PDE9A: variants seen among roughly 807,000 people sequenced by gnomAD.
The protein encoded by PDE9A is phosphodiesterase 9A.
Under a neutral mutation model 87.4 loss-of-function variants are expected in PDE9A, and 60 were observed. The observed-to-expected ratio is 0.69, with a 90% CI of 0.56 to 0.85. PDE9A has a LOEUF of 0.85. Among genes scored for constraint, PDE9A ranks in the 40% least tolerant of loss-of-function variants. The pLI is 0.00. For missense variants in PDE9A, 665 were observed against 779.0 expected, an observed-to-expected ratio of 0.85 and a Z score of 1.74; for synonymous variants, 272 against 279.4, an observed-to-expected ratio of 0.97 and a Z score of 0.27.
At position 42,723,340 on chromosome 21, in the gene PDE9A, G is replaced by A. The variant is rs1461305415; in HGVS notation, c.263-8430G>A. 2.6e-5 allele frequency among the ~76,000 whole-genome samples: 4 copies of A among 152,168 alleles called. No homozygotes were observed. Among genetic ancestry groups the A allele is most frequent in the South Asian group, 2.1e-4 (1 of 4,836 alleles). ...ACATGCAAACAATTCTGCCAGCCCC[G>A]GCCAGCATTCCCTGCATGTGCTTAT... is the stretch of plus-strand genomic sequence containing the variant. On this transcript the variant is annotated intron_variant, in intron 4 of 19. Coordinates refer to ENST00000291539, the MANE Select transcript of PDE9A (RefSeq NM_002606.3). The surrounding 1 kb of genome is among the most constrained non-coding windows in gnomAD (Gnocchi z 4.3).
chr21:42,770,995 C>T (rs1411235198), intron 18 of PDE9A, among the ~76,000 whole-genome samples, 197 bp downstream of exon 18: 1 of 152,252 alleles, frequency 6.6e-6, no homozygotes, highest in Non-Finnish European at 1.5e-5. Context: ...AAACTGCATT[C>T]GCCAAGAACA....
At chr21:42,681,535 T>C (rs2059164258) in intron 1 of PDE9A, among the ~76,000 whole-genome samples, 1 of 152,200 alleles carries the variant, frequency 6.6e-6, no homozygotes, top group African/African-American at 2.4e-5. Flanking sequence ...CCTTCTCTAA[T>C]GTAGGCAGCT....
intron 19 of PDE9A, among the ~76,000 whole-genome samples, chr21:42,773,516 T>G (rs952570580): frequency 1.3e-5 from 2 of 151,902 alleles, no homozygotes; most frequent in African/African-American, 4.8e-5. Context: ...CATAATAAGG[T>G]CACACTAATG....
At chr21:42,721,981 TC>T (rs1406766623) in intron 4 of PDE9A, among the ~76,000 whole-genome samples, 1 of 90,638 alleles carries the variant, frequency 1.1e-5, no homozygotes, top group Non-Finnish European at 2.2e-5. Context: ...ATTTTTCTTT[TC>T]TTTTTTTTTT....
chr21:42,712,546 A>G (rs986545708), intron 4 of PDE9A, among the ~76,000 whole-genome samples: 10 of 152,232 alleles, frequency 6.6e-5, no homozygotes, highest in Admixed American at 2.6e-4. Flanking sequence ...TTGAAACTGC[A>G]ATACAGTTAA....
intron 15 of PDE9A, among the ~76,000 whole-genome samples, 156 bp from the exon 16 acceptor site, chr21:42,768,032 G>A (rs1290604392): frequency 1.3e-5 from 2 of 152,244 alleles, no homozygotes; most frequent in Admixed American, 1.3e-4. Flanking sequence ...CCATTGAGAA[G>A]GGAGCCTGTC....
rs1233041419 is a variant in PDE9A at position 42,731,793 on chromosome 21, A to G, written c.286A>G (p.Thr96Ala). ...LSAGVEDKRT[T>A]SRGQSAERPL... The stretch of plus-strand genomic sequence containing the variant: ...AGCTGGTGTCGAGGACAAGAGAACC[A>G]CAAGCCGTGGCCAGTCTGCTGAGAG... Residue 96 changes from threonine (T) to alanine (A), a missense_variant, in exon 5 of 20, where the codon ACA becomes GCA. Physicochemically the swap from Thr to Ala is moderately conservative, Grantham distance 58. Transcript: ENST00000291539. 6.2e-7 allele frequency: 1 copy of G among 1,613,840 alleles called. No individual in the cohort carries two copies. Among genetic ancestry groups the G allele is most frequent in the South Asian group, 1.1e-5 (1 of 91,028 alleles).
chr21:42,769,835 C>T (rs867048300), intron 17 of PDE9A, among the ~76,000 whole-genome samples: 5 of 152,184 alleles, frequency 3.3e-5, no homozygotes, highest in East Asian at 1.9e-4. Context: ...CCCCGGCTGT[C>T]GTGGTGACCG....
intron 7 of PDE9A, among the ~76,000 whole-genome samples, chr21:42,735,857 C>T (rs1397447102): frequency 2.0e-5 from 3 of 152,212 alleles, no homozygotes; most frequent in Non-Finnish European, 2.9e-5. Flanking sequence ...CAACCCACCA[C>T]AGCGAGTGTT....
intron 14 of PDE9A, 124 bp from the exon 15 acceptor site, chr21:42,765,257 A>G: frequency 1.7e-6 from 1 of 606,000 alleles, no homozygotes; most frequent in Non-Finnish European, 3.0e-6. Flanking sequence ...TGATGGATGC[A>G]CATATGAATC....
At chr21:42,744,699 G>A (rs967302102) in intron 8 of PDE9A, among the ~76,000 whole-genome samples, 11 of 152,166 alleles carry the variant, frequency 7.2e-5, no homozygotes, top group African/African-American at 2.4e-4. Context: ...CAGTCTCCAC[G>A]ATGCCACCTC....
intron 15 of PDE9A, among the ~76,000 whole-genome samples, chr21:42,765,911 A>G (rs2284973): frequency 0.49 from 74,890 of 151,740 alleles, 19,583 homozygotes; most frequent in African/African-American, 0.68. Context: ...GGCCCACACC[A>G]TAGCCCAGCA....
chr21:42,727,493 T>TTA (rs2051259267), intron 4 of PDE9A, among the ~76,000 whole-genome samples: 1 of 104,084 alleles, frequency 9.6e-6, no homozygotes, highest in Non-Finnish European at 2.1e-5. Context: ...CTGGCTATTT[T>TTA]TTTTTTTTTT....
At chr21:42,719,853 G>A (rs1349088706) in intron 4 of PDE9A, among the ~76,000 whole-genome samples, 1 of 152,040 alleles carries the variant, frequency 6.6e-6, no homozygotes, top group Non-Finnish European at 1.5e-5. Flanking sequence ...TGGAATAAAA[G>A]CTTTGGTTTG....
At chr21:42,690,965 C>A (rs1362279591) in intron 3 of PDE9A, among the ~76,000 whole-genome samples, 1 of 152,122 alleles carries the variant, frequency 6.6e-6, no homozygotes, top group Non-Finnish European at 1.5e-5. Flanking sequence ...GTCACCCAGA[C>A]CCATCACCAT....
intron 10 of PDE9A, chr21:42,756,930 C>T (rs974301762): frequency 6.6e-6 from 1 of 152,436 alleles, no homozygotes; most frequent in Non-Finnish European, 1.5e-5. Flanking sequence ...TCAGCATCCC[C>T]TCTTGGCTTC....
At position 42,743,790 on chromosome 21, in the gene PDE9A, G is replaced by A. The variant is rs1208930677; in HGVS notation, c.583G>A (p.Val195Met). ...EKRVELEGLK[V>M]VEIEKCKSDI... ...TCTGTCACCAGTGGAAGGACTAAAA[G>A]TGGTGGAGATTGAGAAATGCAAGAG... The change falls in exon 8 of 20, where the codon GTG (valine) becomes ATG (methionine). Residue 195 changes from valine to methionine, a missense_variant. Val to Met is a conservative substitution (Grantham distance 21). Coordinates refer to ENST00000291539, the MANE Select transcript of PDE9A (RefSeq NM_002606.3). 4.4e-6 allele frequency: 7 copies of A among 1,590,970 alleles called. No individual in the cohort carries two copies. Among genetic ancestry groups the A allele is most frequent in the South Asian group, 1.1e-5 (1 of 87,552 alleles).
intron 4 of PDE9A, among the ~76,000 whole-genome samples, chr21:42,699,900 G>A (rs2048251534): frequency 6.6e-6 from 1 of 152,086 alleles, no homozygotes; most frequent in African/African-American, 2.4e-5. Context: ...TTTTATTTAT[G>A]TGTGATTTAT....
rs1219864324 is a variant in PDE9A at position 42,739,007 on chromosome 21, G to A, written c.569-4769G>A. ...CGCCCGGCCTACAGTCCTTTTAAGA[G>A]GACAGCCCGGGGTTTCCAGATAATA... On this transcript the variant is annotated intron_variant, in intron 7 of 19. Transcript: ENST00000291539. The surrounding 1 kb of genome is among the most constrained non-coding windows in gnomAD (Gnocchi z 4.1). 6.6e-6 allele frequency among the ~76,000 whole-genome samples: 1 copy of A among 152,208 alleles called. No homozygotes were observed. The highest frequency in any genetic ancestry group is 1.5e-5 in the Non-Finnish European group (1 of 68,038).
Sources: gnomAD v4.1 joint callset for allele counts (sites outside exome capture counted in the v4.1 genomes callset) on GRCh38, gnomAD v4.1.1 for gene constraint, Gnocchi (gnomAD v3.1) non-coding constraint, MANE v1.5 for transcripts, NCBI Gene and HGNC (gene_info 2026-07-23, HGNC 2026-07-21) for gene names.